Variants in GRID1 observed in about 807,000 individuals in gnomAD.
The protein encoded by GRID1 is glutamate receptor ionotropic, delta-1.
Under a neutral mutation model 98.0 loss-of-function variants are expected in GRID1, and 28 were observed. That is an observed-to-expected ratio of 0.29 (90% CI 0.21 to 0.39). GRID1 has a LOEUF of 0.39. GRID1 is among the 10% of genes least tolerant of loss of function. The pLI is 1.00. For missense variants in GRID1, 1,111 were observed against 1,340.5 expected, an observed-to-expected ratio of 0.83 and a Z score of 2.67; for synonymous variants, 553 against 538.5, an observed-to-expected ratio of 1.03 and a Z score of -0.37.
intron 4 of GRID1, among the ~76,000 whole-genome samples, chr10:86,091,607 G>A (rs1365139809): frequency 6.6e-6 from 1 of 151,828 alleles, no homozygotes; most frequent in Non-Finnish European, 1.5e-5. Flanking sequence ...GCCCCGCCTA[G>A]CACCGGTCCC....
chr10:85,753,864 A>T (rs994428072), intron 8 of GRID1, among the ~76,000 whole-genome samples: 1 of 152,130 alleles, frequency 6.6e-6, no homozygotes, highest in East Asian at 1.9e-4. Flanking sequence ...AAGGTGATAC[A>T]CCAAGACTTT....
chr10:86,310,190 C>T (rs1847813716), intron 2 of GRID1, among the ~76,000 whole-genome samples: 1 of 152,216 alleles, frequency 6.6e-6, no homozygotes. Flanking sequence ...CTCATACCTT[C>T]CTGGCCCCAT....
chr10:86,113,917 A>G (rs974680914), intron 4 of GRID1, among the ~76,000 whole-genome samples: 5 of 152,224 alleles, frequency 3.3e-5, no homozygotes, highest in Non-Finnish European at 5.9e-5. Context: ...TTCTCACTTC[A>G]AGCTACCCAA....
intron 4 of GRID1, among the ~76,000 whole-genome samples, chr10:86,116,376 A>G (rs1844579152): frequency 1.3e-5 from 2 of 152,342 alleles, no homozygotes; most frequent in African/African-American, 2.4e-5. Flanking sequence ...TGTCAGGCAC[A>G]TACTCAAACA....
At chr10:86,265,276 G>T (rs566489758) in intron 2 of GRID1, among the ~76,000 whole-genome samples, 1 of 152,250 alleles carries the variant, frequency 6.6e-6, no homozygotes, top group African/African-American at 2.4e-5. Context: ...TCCTGCCTTT[G>T]TCCCATCCTT....
intron 8 of GRID1, among the ~76,000 whole-genome samples, chr10:85,751,788 T>C (rs1043613542): frequency 3.9e-5 from 6 of 152,226 alleles, no homozygotes; most frequent in African/African-American, 1.2e-4. Context: ...AAATTATTGT[T>C]AAATTTATTT....
intron 2 of GRID1, among the ~76,000 whole-genome samples, chr10:86,249,963 G>A (rs540002914): frequency 1.0e-3 from 159 of 152,048 alleles, no homozygotes; most frequent in Middle Eastern, 6.8e-3. Flanking sequence ...GGTGAATGGG[G>A]GGTGGGTGGA....
At chr10:86,306,811 C>G (rs577430107) in intron 2 of GRID1, among the ~76,000 whole-genome samples, 3 of 152,236 alleles carry the variant, frequency 2.0e-5, no homozygotes, top group Non-Finnish European at 4.4e-5. Flanking sequence ...GAGAGCCAGA[C>G]AGTTCTGCCT....
rs1841420654 is a variant in GRID1 at position 85,903,682 on chromosome 10, G to C, written c.780+12504C>G. Among the ~76,000 whole-genome samples the C allele has an allele frequency of 2.0e-5, 3 of 152,184 alleles. No individual in the cohort carries two copies. The East Asian group carries it at 5.8e-4, about 29-fold the overall frequency. ...GGCCAGAAAAGTTCTACATGACCTG[G>C]CCTCCTGCCATGCCTCTAACCCCTC... On this transcript the variant is annotated intron_variant, in intron 5 of 15. Coordinates refer to ENST00000327946, the MANE Select transcript of GRID1 (RefSeq NM_017551.3).
At chr10:86,060,222 TAA>T (rs1435313649) in intron 4 of GRID1, among the ~76,000 whole-genome samples, 1 of 152,236 alleles carries the variant, frequency 6.6e-6, no homozygotes, top group African/African-American at 2.4e-5. Context: ...CAAATAGACA[TAA>T]AGTCTTTCAT....
rs555934087 is a variant in GRID1 at position 85,828,798 on chromosome 10, A to C, written c.1233+25698T>G. 4.6e-5 allele frequency among the ~76,000 whole-genome samples: 7 copies of C among 152,296 alleles called. No homozygotes were observed. In the East Asian group the frequency reaches 1.4e-3, roughly 29 times the overall value. ...TTGAACAGACTAAAAATTAGTTACA[A>C]AATTGAATCAGTAATAAAAAGCCTA... On this transcript the variant is annotated intron_variant, in intron 8 of 15. Transcript: ENST00000327946.
At chr10:86,091,529 C>T (rs1323232011) in intron 4 of GRID1, among the ~76,000 whole-genome samples, 2 of 151,872 alleles carry the variant, frequency 1.3e-5, no homozygotes, top group Non-Finnish European at 2.9e-5. Flanking sequence ...CCCGCCCCCA[C>T]CTGATGGTCC....
At chr10:85,854,685 G>A in intron 7 of GRID1, 70 bp from the exon 8 acceptor site, 1 of 1,548,524 alleles carries the variant, frequency 6.5e-7, no homozygotes, top group Non-Finnish European at 8.9e-7. Flanking sequence ...AAGGCTAAGA[G>A]GAGCAAGGAA....
intron 5 of GRID1, among the ~76,000 whole-genome samples, chr10:85,911,868 A>T (rs1841544025): frequency 6.6e-6 from 1 of 152,198 alleles, no homozygotes; most frequent in Non-Finnish European, 1.5e-5. Flanking sequence ...ATTTTACCTC[A>T]GCTGCTAAAG....
rs145068577 is a variant in GRID1, at chr10:86,232,761, G to A, written c.236-26113C>T. ...CTTCCTTGCAGTCTTTTGCAGGGAGGGAAAGTCTATAAATATTTTTTTTTA... is the reference window on the plus strand; with the variant it reads ...CTTCCTTGCAGTCTTTTGCAGGGAGAGAAAGTCTATAAATATTTTTTTTTA... On this transcript the variant is annotated intron_variant, in intron 2 of 15. Transcript: ENST00000327946. Among the ~76,000 whole-genome samples, 1,126 of 152,222 alleles carry A rather than the reference G, an allele frequency of 7.4e-3. 17 individuals carry two copies. Among genetic ancestry groups the A allele is most frequent in the African/African-American group, 0.026 (1,072 of 41,532 alleles).
At chr10:85,647,616 C>T in intron 12 of GRID1, 1 of 517,362 alleles carries the variant, frequency 1.9e-6, no homozygotes, top group Non-Finnish European at 3.5e-6. Context: ...CAGATTAATT[C>T]AATAAGATGA....
chr10:85,732,470 C>A (rs1467492941), intron 8 of GRID1, among the ~76,000 whole-genome samples: 1 of 152,172 alleles, frequency 6.6e-6, no homozygotes, highest in Admixed American at 6.5e-5. Context: ...TCTTGATCAA[C>A]AAGGCTTTAC....
chr10:85,921,642 G>A (rs1350375950), intron 4 of GRID1, among the ~76,000 whole-genome samples: 4 of 152,338 alleles, frequency 2.6e-5, no homozygotes, highest in Non-Finnish European at 5.9e-5. Context: ...CAAGGGTGGA[G>A]GCAGCTCTCC....
chr10:86,257,586 T>C (rs1312265585), intron 2 of GRID1, among the ~76,000 whole-genome samples: 1 of 152,056 alleles, frequency 6.6e-6, no homozygotes, highest in Non-Finnish European at 1.5e-5. Context: ...CATGATATCA[T>C]ACCCTAGATA....
Sources: gnomAD v4.1 joint callset for allele counts (sites outside exome capture counted in the v4.1 genomes callset) on GRCh38, gnomAD v4.1.1 for gene constraint, MANE v1.5 for transcripts, NCBI Gene and HGNC (gene_info 2026-07-23, HGNC 2026-07-21) for gene names.